FMN1: variants seen among roughly 807,000 people sequenced by gnomAD.
FMN1 encodes formin 1, also known as formin-1.
A neutral mutation model predicts 132.4 loss-of-function variants in FMN1; 110 were observed. That is an observed-to-expected ratio of 0.83 (90% CI 0.71 to 0.97). The LOEUF is 0.97. Ranked by LOEUF, FMN1 falls within the 50% of genes least tolerant of loss-of-function variation. The probability of loss-of-function intolerance (pLI) is 0.00; values close to 1 mark genes in which losing one functional copy is unlikely to be tolerated. For missense variants in FMN1, 1,792 were observed against 1,705.3 expected, an observed-to-expected ratio of 1.05 and a Z score of -0.90; for synonymous variants, 722 against 651.7, an observed-to-expected ratio of 1.11 and a Z score of -1.64.
chr15:33,023,059 C>CAAAAAAAAAAAAAAAAAAAAAAA (rs758459713), intron 6 of FMN1, among the ~76,000 whole-genome samples: 1 of 53,214 alleles, frequency 1.9e-5, no homozygotes, highest in Non-Finnish European at 3.4e-5. Flanking sequence ...CTCCCCCACC[C>CAAAAAAAAAAAAAAAAAAAAAAA]AAAAAAAAAA....
intron 4 of FMN1, chr15:33,150,541 C>G: frequency 1.0e-6 from 1 of 985,418 alleles, no homozygotes; most frequent in South Asian, 4.7e-5. Context: ...GCATCGCTGG[C>G]CTCTGTGACA....
At chr15:33,147,936 A>G (rs1964292426) in intron 4 of FMN1, among the ~76,000 whole-genome samples, 1 of 150,332 alleles carries the variant, frequency 6.7e-6, no homozygotes, top group Non-Finnish European at 1.5e-5. Flanking sequence ...TTGTTTTTTG[A>G]AAAAAAAAAT....
intron 6 of FMN1, among the ~76,000 whole-genome samples, chr15:33,062,261 GTAGT>G (rs2037519045): frequency 6.6e-6 from 1 of 152,054 alleles, no homozygotes; most frequent in Admixed American, 6.6e-5. Context: ...AAGACTTACA[GTAGT>G]TATTTATAAT....
intron 5 of FMN1, among the ~76,000 whole-genome samples, chr15:33,070,158 A>G (rs1342668300): frequency 1.3e-5 from 2 of 151,534 alleles, no homozygotes; most frequent in Non-Finnish European, 2.9e-5. Context: ...GGAATGCGCT[A>G]GCACACCCGG....
At chr15:32,931,132 C>T (rs1444867864) in intron 9 of FMN1, among the ~76,000 whole-genome samples, 1 of 152,092 alleles carries the variant, frequency 6.6e-6, no homozygotes, top group Non-Finnish European at 1.5e-5. Flanking sequence ...AGTGTGAGTT[C>T]CCTAGATTTG....
chr15:33,116,642 A>G (rs2039937185), intron 4 of FMN1, among the ~76,000 whole-genome samples: 1 of 152,108 alleles, frequency 6.6e-6, no homozygotes, highest in Admixed American at 6.6e-5. Context: ...TTGGCACTCC[A>G]TTCCAGCCTC....
intron 6 of FMN1, among the ~76,000 whole-genome samples, chr15:33,018,671 C>G (rs147325693): frequency 6.6e-6 from 1 of 152,194 alleles, no homozygotes; most frequent in Non-Finnish European, 1.5e-5. Flanking sequence ...CTTGGTCTCA[C>G]TGACTTCAAG....
chr15:33,091,943 T>C (rs1210130193), intron 4 of FMN1, among the ~76,000 whole-genome samples: 2 of 152,238 alleles, frequency 1.3e-5, no homozygotes, highest in African/African-American at 2.4e-5. Flanking sequence ...ATCAGTCTTA[T>C]CAGTTTAAAC....
intron 4 of FMN1, among the ~76,000 whole-genome samples, chr15:33,104,225 T>C (rs2039399048): frequency 6.6e-6 from 1 of 152,108 alleles, no homozygotes; most frequent in Non-Finnish European, 1.5e-5. Context: ...AATTTGTCAA[T>C]AATGGCTTCA....
At chr15:32,839,560 T>G (rs552227956) in intron 17 of FMN1, among the ~76,000 whole-genome samples, 1 of 152,242 alleles carries the variant, frequency 6.6e-6, no homozygotes, top group African/African-American at 2.4e-5. Context: ...TTAATGATGA[T>G]AAGCTACTCC....
At chr15:33,165,151 C>A (rs968286567) in intron 3 of FMN1, among the ~76,000 whole-genome samples, 4 of 152,188 alleles carry the variant, frequency 2.6e-5, no homozygotes, top group African/African-American at 9.7e-5. Flanking sequence ...CACAGCATCT[C>A]GCTAAAGGTG....
At chr15:32,796,892 G>T (rs1249940241) in intron 19 of FMN1, among the ~76,000 whole-genome samples, 1 of 152,106 alleles carries the variant, frequency 6.6e-6, no homozygotes, top group African/African-American at 2.4e-5. Context: ...GTTGTTTTAG[G>T]GTAGAAACCT....
chr15:32,798,776 G>C (rs371036182), intron 19 of FMN1, 28 bp downstream of exon 19: 202 of 1,590,226 alleles, frequency 1.3e-4, no homozygotes, highest in Non-Finnish European at 1.7e-4. Flanking sequence ...TCCTGAAGGA[G>C]GCATTAAAAT....
rs574510247 is a variant in FMN1, at chr15:33,193,222, A to G, written c.-197+687T>C. ...TCATTGTGGAAGCAACATCTTCCACAACGACAGTTAATCTGGTATGCAATT... is the reference window on the plus strand; with the variant it reads ...TCATTGTGGAAGCAACATCTTCCACGACGACAGTTAATCTGGTATGCAATT... On this transcript the variant is annotated intron_variant, in intron 2 of 20. Coordinates refer to ENST00000616417, the MANE Select transcript of FMN1 (RefSeq NM_001277313.2). Among the ~76,000 whole-genome samples, 6 of 152,300 alleles carry G rather than the reference A, an allele frequency of 3.9e-5. 1 individual carries two copies. The South Asian group carries it at 1.2e-3, about 32-fold the overall frequency.
At position 32,910,471 on chromosome 15, in the gene FMN1, C is replaced by A; in HGVS notation, c.3288+3G>T. 1.3e-6 allele frequency: 2 copies of A among 1,572,394 alleles called. No individual in the cohort carries two copies. The highest frequency in any genetic ancestry group is 1.7e-6 in the Non-Finnish European group (2 of 1,157,552). ...ACTAGCTCTGTAAGTCTTTGACACT[C>A]ACGTTTTCATATAAGGCTGCCAGGG... On this transcript the variant is annotated splice_donor_region_variant and intron_variant, in intron 11 of 20. Coordinates refer to ENST00000616417, the MANE Select transcript of FMN1 (RefSeq NM_001277313.2).
chr15:32,967,994 C>G (rs1306267815), intron 8 of FMN1, among the ~76,000 whole-genome samples: 3 of 152,244 alleles, frequency 2.0e-5, no homozygotes, highest in African/African-American at 7.2e-5. Flanking sequence ...AAATCACACT[C>G]AAATCTGTTT....
chr15:32,968,981 G>T lies in FMN1; in HGVS notation c.2720C>A (p.Pro907His). 1 of 1,021,644 alleles carries T rather than the reference G, an allele frequency of 9.8e-7. No homozygotes were observed. The highest frequency in any genetic ancestry group is 1.6e-5 in the South Asian group (1 of 63,748). 63.3% of individuals were successfully genotyped at this position (1,021,644 alleles called of 1,614,324 possible). ...VSAGPPLPPP[P>H]PPPPPLPPPS... ...TGGAGGTAGAGGTGGCGGTGGAGGA[G>T]GCGGAGGTGGTAGCGGTGGCCCAGC... Residue 907 changes from proline (P) to histidine (H), a missense_variant, in exon 8 of 21, where the codon CCT becomes CAT. Coordinates refer to ENST00000616417, the MANE Select transcript of FMN1 (RefSeq NM_001277313.2).
At chr15:33,006,003 G>T (rs1049457483) in intron 7 of FMN1, among the ~76,000 whole-genome samples, 1 of 152,022 alleles carries the variant, frequency 6.6e-6, no homozygotes, top group Admixed American at 6.6e-5. Flanking sequence ...CTGCTGGATG[G>T]GTAGGGCTTG....
At chr15:33,099,660 G>C (rs910435735) in intron 4 of FMN1, among the ~76,000 whole-genome samples, 1 of 152,170 alleles carries the variant, frequency 6.6e-6, no homozygotes, top group African/African-American at 2.4e-5. Context: ...ATGCATATTA[G>C]ATTTAAGGAG....
Sources: allele counts gnomAD v4.1 joint callset (sites outside exome capture counted in the v4.1 genomes callset), GRCh38; gene constraint gnomAD v4.1.1; transcripts MANE v1.5; gene names NCBI Gene and HGNC (gene_info 2026-07-23, HGNC 2026-07-21).